The following LINGO2 variants were observed in gnomAD, a reference collection of about 807,000 sequenced individuals.
LINGO2 encodes leucine-rich repeat and immunoglobulin-like domain-containing nogo receptor-interacting protein 2.
Under a neutral mutation model 30.6 loss-of-function variants are expected in LINGO2, and 14 were observed. The observed-to-expected ratio is 0.46, with a 90% CI of 0.30 to 0.72. The LOEUF is 0.72. Among genes scored for constraint, LINGO2 ranks in the 30% least tolerant of loss-of-function variants. LINGO2 has a pLI of 0.07. For synonymous variants in LINGO2, 317 were observed against 288.5 expected (o/e 1.10, Z -1.00); for missense variants, 729 against 751.7 (o/e 0.97, Z 0.35).
chr9:28,887,188 T>C, the LINGO2 span, among the ~76,000 whole-genome samples: 104 of 152,186 alleles, frequency 6.8e-4, no homozygotes, highest in African/African-American at 1.9e-3. Context: ...CAGTTGAAAA[T>C]AGATGCTCAA....
the LINGO2 span, among the ~76,000 whole-genome samples, chr9:28,845,240 G>A: frequency 6.6e-6 from 1 of 151,784 alleles, no homozygotes; most frequent in African/African-American, 2.4e-5. Flanking sequence ...ATTGGGAGTT[G>A]AAGAACAGTT....
At chr9:27,965,440 C>T (rs959572783) in intron 5 of LINGO2, among the ~76,000 whole-genome samples, 29 of 150,978 alleles carry the variant, frequency 1.9e-4, no homozygotes, top group Admixed American at 4.0e-4. Context: ...AAAAAACCCA[C>T]ACAATTTTCT....
chr9:28,149,270 A>G, intron 4 of LINGO2: 1 of 641,060 alleles, frequency 1.6e-6, no homozygotes, highest in East Asian at 2.8e-5. Context: ...CGGGCGGATC[A>G]GGAGGTCAAG....
intron 4 of LINGO2, among the ~76,000 whole-genome samples, chr9:28,188,024 G>A (rs1336257394): frequency 6.6e-6 from 1 of 152,104 alleles, no homozygotes; most frequent in Non-Finnish European, 1.5e-5. Flanking sequence ...CTTGTAATTA[G>A]TTGCTCTTTA....
At chr9:28,804,341 T>C in the LINGO2 span, among the ~76,000 whole-genome samples, 1 of 152,092 alleles carries the variant, frequency 6.6e-6, no homozygotes, top group Non-Finnish European at 1.5e-5. Context: ...ACAAACGACC[T>C]AGAAATTCCT....
chr9:28,386,990 A>C (rs1343233622), intron 2 of LINGO2, among the ~76,000 whole-genome samples: 1 of 152,204 alleles, frequency 6.6e-6, no homozygotes, highest in Non-Finnish European at 1.5e-5. Context: ...CTGTGTACCT[A>C]ATATAGGTAC....
rs184527337 is a variant in LINGO2 at position 28,451,590 on chromosome 9, T to G, written c.-279+24350A>C. ...TGGAGTAGAAAATGTTCTTAGTGTA[T>G]TTTTAAACCAATTATTCATTAAAAT... On this transcript the variant is annotated intron_variant, in intron 2 of 5. Coordinates refer to ENST00000379992, the Ensembl canonical transcript of LINGO2. 3.2e-4 allele frequency among the ~76,000 whole-genome samples: 49 copies of G among 151,926 alleles called. No homozygotes were observed. In the East Asian group the frequency reaches 8.9e-3, roughly 28 times the overall value.
At chr9:28,738,565 G>A in the LINGO2 span, among the ~76,000 whole-genome samples, 1 of 151,848 alleles carries the variant, frequency 6.6e-6, no homozygotes, top group Non-Finnish European at 1.5e-5. Flanking sequence ...GCGTATTTCT[G>A]CTTATAAAAT....
At chr9:28,742,347 T>G in the LINGO2 span, among the ~76,000 whole-genome samples, 1 of 151,910 alleles carries the variant, frequency 6.6e-6, no homozygotes, top group Non-Finnish European at 1.5e-5. Flanking sequence ...GCCGAAGTAT[T>G]TTTGTATGCA....
chr9:28,973,177 C>A, the LINGO2 span, among the ~76,000 whole-genome samples: 12 of 151,850 alleles, frequency 7.9e-5, no homozygotes, highest in Non-Finnish European at 1.6e-4. Flanking sequence ...TCCAAATCCA[C>A]GAAGGTTATA....
chr9:29,116,206 T>C, the LINGO2 span, among the ~76,000 whole-genome samples: 2 of 151,278 alleles, frequency 1.3e-5, no homozygotes, highest in Non-Finnish European at 2.9e-5. Context: ...TGTTTCTAAC[T>C]AATAGACTCC....
chr9:29,136,353 T>G, the LINGO2 span, among the ~76,000 whole-genome samples: 2 of 152,154 alleles, frequency 1.3e-5, no homozygotes, highest in African/African-American at 4.8e-5. Context: ...CTCTCTATCT[T>G]CTTAACAAAT....
intron 4 of LINGO2, among the ~76,000 whole-genome samples, chr9:28,091,254 C>T (rs1826075573): frequency 6.6e-6 from 1 of 152,172 alleles, no homozygotes; most frequent in South Asian, 2.1e-4. Context: ...CCTGCATTGC[C>T]AAGTCAATGC....
chr9:29,185,047 C>A, the LINGO2 span, among the ~76,000 whole-genome samples: 1 of 152,116 alleles, frequency 6.6e-6, no homozygotes, highest in Non-Finnish European at 1.5e-5. Context: ...GCTGGGAAGT[C>A]CCAATGATCT....
At chr9:28,389,955 GCTTCCTTTT>G (rs959564222) in intron 2 of LINGO2, among the ~76,000 whole-genome samples, 1 of 152,084 alleles carries the variant, frequency 6.6e-6, no homozygotes, top group African/African-American at 2.4e-5. Context: ...AACATTCCAT[GCTTCCTTTT>G]CTTGATGTCT....
chr9:28,521,226 C>T (rs1820817265), intron 1 of LINGO2, among the ~76,000 whole-genome samples: 1 of 152,050 alleles, frequency 6.6e-6, no homozygotes, highest in African/African-American at 2.4e-5. Context: ...AAAATAAATG[C>T]TGCTATTTTT....
At chr9:29,138,197 G>T in the LINGO2 span, among the ~76,000 whole-genome samples, 1 of 151,904 alleles carries the variant, frequency 6.6e-6, no homozygotes, top group Non-Finnish European at 1.5e-5. Flanking sequence ...TATAATAATA[G>T]CAATGTGGTA....
chr9:28,705,853 A>C, the LINGO2 span, among the ~76,000 whole-genome samples: 3 of 152,232 alleles, frequency 2.0e-5, no homozygotes, highest in Non-Finnish European at 4.4e-5. Context: ...CTCTATATCC[A>C]GTCCGTGTTT....
the LINGO2 span, among the ~76,000 whole-genome samples, chr9:28,800,851 A>C: frequency 6.6e-6 from 1 of 152,132 alleles, no homozygotes; most frequent in African/African-American, 2.4e-5. Flanking sequence ...GTTATATTAC[A>C]ATGAGTATAT....
Sources: gnomAD v4.1 joint callset for allele counts (sites outside exome capture counted in the v4.1 genomes callset) on GRCh38, gnomAD v4.1.1 for gene constraint, MANE v1.5 for transcripts, NCBI Gene and HGNC (gene_info 2026-07-23, HGNC 2026-07-21) for gene names.